Variants in PLAGL1 observed in about 807,000 individuals in gnomAD.
PLAGL1 encodes the protein zinc finger protein PLAGL1.
In PLAGL1, 1 loss-of-function variant was observed where a neutral mutation model predicts 4.6. The observed-to-expected ratio is 0.22, with a 90% CI of 0.08 to 1.03. The LOEUF (loss-of-function observed/expected upper bound fraction) is 1.03. Ranked by LOEUF, PLAGL1 falls within the 50% of genes least tolerant of loss-of-function variation. PLAGL1 has a pLI of 0.58. For synonymous variants in PLAGL1, 240 were observed against 237.8 expected (o/e 1.01, Z -0.08); for missense variants, 464 against 570.4 (o/e 0.81, Z 1.90).
intron 1 of PLAGL1, among the ~76,000 whole-genome samples, chr6:144,030,804 G>C (rs1201057321): frequency 6.6e-6 from 1 of 152,202 alleles, no homozygotes; most frequent in East Asian, 1.9e-4. Flanking sequence ...AAACATGAGT[G>C]TGCAAGTATC....
chr6:144,040,562 A>G (rs1392831514), intron 1 of PLAGL1, among the ~76,000 whole-genome samples: 1 of 150,542 alleles, frequency 6.6e-6, no homozygotes, highest in African/African-American at 2.4e-5. Flanking sequence ...AAAGAAAACA[A>G]TGTCTAAAAA....
Position 143,979,418 on chromosome 6 carries a change from T to C in PLAGL1, c.-544+5717A>G, listed in dbSNP as rs773028422. Among the ~76,000 whole-genome samples the C allele has an allele frequency of 2.3e-4, 35 of 152,254 alleles. No homozygotes were observed. Among genetic ancestry groups the C allele is most frequent in the South Asian group, 2.3e-3 (11 of 4,830 alleles). ...ATTTGTTGTCTAATTGCCTCAATTATTCTTTGTTCCTTTTCTTTCTTCTTT... is the reference window on the plus strand; with the variant it reads ...ATTTGTTGTCTAATTGCCTCAATTACTCTTTGTTCCTTTTCTTTCTTCTTT... On this transcript the variant is annotated intron_variant, in intron 2 of 7. Transcript: ENST00000674357. This position sits in a 1 kb window ranked among gnomAD's most constrained non-coding sequence, Gnocchi z 4.6.
intron 1 of PLAGL1, among the ~76,000 whole-genome samples, chr6:143,987,296 G>T (rs906877100): frequency 6.6e-6 from 1 of 151,872 alleles, no homozygotes. Flanking sequence ...CCTTGATCTC[G>T]TGGGCTTAAT....
At chr6:144,038,251 T>G (rs1251788680) in intron 1 of PLAGL1, among the ~76,000 whole-genome samples, 1 of 152,236 alleles carries the variant, frequency 6.6e-6, no homozygotes, top group East Asian at 1.9e-4. Flanking sequence ...TTTGTTTGTT[T>G]GAACTTGTGA....
chr6:143,995,439 A>G lies in PLAGL1; in HGVS notation c.-583-10265T>C, dbSNP rs183848142. Among the ~76,000 whole-genome samples, 600 of 152,276 alleles carry G rather than the reference A, an allele frequency of 3.9e-3. 5 individuals carry two copies. Among genetic ancestry groups the G allele is most frequent in the African/African-American group, 0.014 (580 of 41,560 alleles). The stretch of plus-strand genomic sequence containing the variant: ...TAAATGTTAAACTAATTTGAGGAAT[A>G]AGTTAAGCCAAGGAAACATGATTCT... On this transcript the variant is annotated intron_variant, in intron 1 of 7. Transcript: ENST00000674357. The surrounding 1 kb of genome is among the most constrained non-coding windows in gnomAD (Gnocchi z 4.4).
rs1434109101 is a variant in PLAGL1, at chr6:143,970,248, C to T, written c.-543-1270G>A. Among the ~76,000 whole-genome samples, 1 of 152,176 alleles carries T rather than the reference C, an allele frequency of 6.6e-6. No homozygotes were observed. Among genetic ancestry groups the T allele is most frequent in the Non-Finnish European group, 1.5e-5 (1 of 68,032 alleles). ...AAAGGCATAAACTTTTAGGTATAAG[C>T]TGAGTTTGGGTTTTTCCTCCTGAAT... On this transcript the variant is annotated intron_variant, in intron 2 of 7. Transcript: ENST00000674357. This position sits in a 1 kb window ranked among gnomAD's most constrained non-coding sequence, Gnocchi z 5.8.
Position 143,978,001 on chromosome 6 carries a change from A to C in PLAGL1, c.-544+7134T>G, listed in dbSNP as rs1787096051. On this transcript the variant is annotated intron_variant, in intron 2 of 7. Coordinates refer to ENST00000674357, the MANE Select transcript of PLAGL1 (RefSeq NM_001317162.2). This position sits in a 1 kb window ranked among gnomAD's most constrained non-coding sequence, Gnocchi z 4.6. ...TATACTATTCTCTTACTAATCCTGT[A>C]TTTTATCCATGGGATTAGCAGAATA... Among the ~76,000 whole-genome samples, 1 of 152,110 alleles carries C rather than the reference A, an allele frequency of 6.6e-6. No homozygotes were observed. Among genetic ancestry groups the C allele is most frequent in the South Asian group, 2.1e-4 (1 of 4,832 alleles).
rs1194756749 is a variant in PLAGL1 at position 144,027,223 on chromosome 6, C to CAAAGAATGAAAG, written c.-151+37244_-151+37245insCTTTCATTCTTT. 9.8e-4 allele frequency among the ~76,000 whole-genome samples: 95 copies of CAAAGAATGAAAG among 96,738 alleles called. No homozygotes were observed. Among genetic ancestry groups the CAAAGAATGAAAG allele is most frequent in the African/African-American group, 5.5e-3 (91 of 16,626 alleles). The allele number at this position is 96,738 out of a possible 152,430, so 63.5% of individuals were successfully genotyped here. Reference sequence around the variant, plus strand: ...TGGGTGACAGAGAAAGACCCCAACTCAAAGAACGAACGAAAGAAAGAAAGA... The same window carrying CAAAGAATGAAAG: ...TGGGTGACAGAGAAAGACCCCAACTCAAAGAATGAAAGAAAGAACGAACGAAAGAAAGAAAGA... On this transcript the variant is annotated intron_variant, in intron 1 of 3. Transcript: ENST00000437412. This position sits in a 1 kb window ranked among gnomAD's most constrained non-coding sequence, Gnocchi z 5.8.
At chr6:144,041,225 C>CACAACATGCAGGTTTGTTACATATGT (rs1797702988) in intron 1 of PLAGL1, among the ~76,000 whole-genome samples, 1 of 152,066 alleles carries the variant, frequency 6.6e-6, no homozygotes, top group Non-Finnish European at 1.5e-5. Flanking sequence ...GGTACATATG[C>CACAACATGCAGGTTTGTTACATATGT]ACAACATGCA....
chr6:143,998,014 C>G lies in PLAGL1; in HGVS notation c.-584+10076G>C, dbSNP rs548335648. On this transcript the variant is annotated intron_variant, in intron 1 of 7. Coordinates refer to ENST00000674357, the MANE Select transcript of PLAGL1 (RefSeq NM_001317162.2). ...TCTTTTTACCTTATCCATTGCCCAG[C>G]AAAGGTTATTAGGCAAATGTAAAAT... Among the ~76,000 whole-genome samples the G allele has an allele frequency of 2.6e-5, 4 of 152,114 alleles. No homozygotes were observed. The South Asian group carries it at 6.2e-4, about 24-fold the overall frequency.
At chr6:144,012,188 G>A (rs1345414046), upstream of PLAGL1, among the ~76,000 whole-genome samples, 3 of 151,958 alleles carry the variant, frequency 2.0e-5, no homozygotes, top group African/African-American at 7.3e-5. The surrounding 1 kb of genome is among the most constrained non-coding windows in gnomAD (Gnocchi z 4.8). Context: ...TAAGTTTTTT[G>A]TTGCTTTCTT....
intron 1 of PLAGL1, among the ~76,000 whole-genome samples, chr6:144,045,111 C>T (rs1269812521): frequency 6.7e-6 from 1 of 148,648 alleles, no homozygotes; most frequent in Non-Finnish European, 1.5e-5. Flanking sequence ...GAATACAGCA[C>T]TCTGATGGGT....
chr6:143,978,852 T>C lies in PLAGL1; in HGVS notation c.-544+6283A>G, dbSNP rs1787273206. On this transcript the variant is annotated intron_variant, in intron 2 of 7. Transcript: ENST00000674357. This position sits in a 1 kb window ranked among gnomAD's most constrained non-coding sequence, Gnocchi z 4.6. Reference sequence around the variant, plus strand: ...TTGATAGCACTGTTCAAGTCTTCTATAGCCTTCTTGGTTTTCCAACTACTT... The same window carrying C: ...TTGATAGCACTGTTCAAGTCTTCTACAGCCTTCTTGGTTTTCCAACTACTT... Among the ~76,000 whole-genome samples, 1 of 152,228 alleles carries C rather than the reference T, an allele frequency of 6.6e-6. No homozygotes were observed. The highest frequency in any genetic ancestry group is 2.4e-5 in the African/African-American group (1 of 41,474).
chr6:144,008,411 C>T (rs1265122258), upstream of PLAGL1: 5 of 151,746 alleles, frequency 3.3e-5, no homozygotes, highest in Admixed American at 2.0e-4. The surrounding 1 kb of genome is among the most constrained non-coding windows in gnomAD (Gnocchi z 6.9). Flanking sequence ...GCTCGGGAGC[C>T]GGAACGGCGC....
At chr6:143,977,050 G>T (rs1232641874) in intron 2 of PLAGL1, among the ~76,000 whole-genome samples, 1 of 151,470 alleles carries the variant, frequency 6.6e-6, no homozygotes, top group Non-Finnish European at 1.5e-5. Context: ...CAGCAAAATT[G>T]AGCCTGTTAC....
chr6:144,031,004 G>T (rs771155207), intron 1 of PLAGL1, among the ~76,000 whole-genome samples: 1 of 151,050 alleles, frequency 6.6e-6, no homozygotes, highest in African/African-American at 2.4e-5. Flanking sequence ...CCTTTCCACC[G>T]CATCCACACC....
chr6:143,981,329 T>A (rs1010874877), intron 2 of PLAGL1, among the ~76,000 whole-genome samples: 1 of 152,110 alleles, frequency 6.6e-6, no homozygotes, highest in African/African-American at 2.4e-5. Flanking sequence ...TCTTTCCTCA[T>A]CCATGGGTAG....
Position 144,000,663 on chromosome 6 carries a change from T to C in PLAGL1, c.-584+7427A>G, listed in dbSNP as rs1308222770. 6.6e-6 allele frequency among the ~76,000 whole-genome samples: 1 copy of C among 152,062 alleles called. No homozygotes were observed. Among genetic ancestry groups the C allele is most frequent in the Non-Finnish European group, 1.5e-5 (1 of 67,954 alleles). ...CTTCATAAACAGGTACTAAAACTCA[T>C]ATGGAATGGGAAAGGTCTAAAATTG... is the stretch of plus-strand genomic sequence containing the variant. On this transcript the variant is annotated intron_variant, in intron 1 of 7. Coordinates refer to ENST00000674357, the MANE Select transcript of PLAGL1 (RefSeq NM_001317162.2). This position sits in a 1 kb window ranked among gnomAD's most constrained non-coding sequence, Gnocchi z 4.1.
At position 143,941,645 on chromosome 6, in the gene PLAGL1, G is replaced by A. The variant is rs1434620645; in HGVS notation, c.1171C>T (p.Pro391Ser). Reference sequence around the variant, plus strand: ...CCAAAGGTATTTTGGGTAGCAGGAGGGGGCAGCTGCCAGAAGCCCAACAGG... The same window carrying A: ...CCAAAGGTATTTTGGGTAGCAGGAGAGGGCAGCTGCCAGAAGCCCAACAGG... The part of the protein sequence containing the change: ...SPLLGFWQLP[P>S]PATQNTFGNS... Residue 391 changes from proline (P) to serine (S), a missense_variant, in exon 8 of 8, where the codon CCT (proline) becomes TCT (serine). Pro to Ser is a moderately conservative substitution (Grantham distance 74). Transcript: ENST00000674357. This position sits in a 1 kb window ranked among gnomAD's most constrained non-coding sequence, Gnocchi z 6.0. 1.2e-6 allele frequency: 2 copies of A among 1,614,046 alleles called. No homozygotes were observed. Among genetic ancestry groups the A allele is most frequent in the African/African-American group, 1.3e-5 (1 of 74,920 alleles).
Sources: allele counts gnomAD v4.1 joint callset (sites outside exome capture counted in the v4.1 genomes callset), GRCh38; gene constraint gnomAD v4.1.1; non-coding constraint Gnocchi (gnomAD v3.1); transcripts MANE v1.5; gene names NCBI Gene and HGNC (gene_info 2026-07-23, HGNC 2026-07-21).